The following SNX13 variants were observed in gnomAD, a reference collection of about 807,000 sequenced individuals.
SNX13 encodes sorting nexin 13.
SNX13 carries 45 observed loss-of-function variants against 133.6 expected under a neutral mutation model. That is an observed-to-expected ratio of 0.34 (90% CI 0.27 to 0.43). SNX13 has a LOEUF of 0.43. Among genes scored for constraint, SNX13 ranks in the 20% least tolerant of loss-of-function variants. SNX13 has a pLI of 1.00. For missense variants in SNX13, 1,032 were observed against 1,145.1 expected, an observed-to-expected ratio of 0.90 and a Z score of 1.43; for synonymous variants, 414 against 373.9, an observed-to-expected ratio of 1.11 and a Z score of -1.24.
At chr7:17,885,798 A>G (rs1795925017) in intron 5 of SNX13, among the ~76,000 whole-genome samples, 1 of 152,230 alleles carries the variant, frequency 6.6e-6, no homozygotes, top group Non-Finnish European at 1.5e-5. Flanking sequence ...ACTGCACTCC[A>G]GCCTAGGTGA....
rs180997607 is a variant in SNX13, at chr7:17,854,990, A to T, written c.838-4026T>A. On this transcript the variant is annotated intron_variant, in intron 9 of 25. Transcript: ENST00000428135. ...TATCCAATATGAGAATGCAAAAAAT[A>T]AAAAAAAAGGTTCTTCAGGGAAATT... is the stretch of plus-strand genomic sequence containing the variant. 2.1e-3 allele frequency among the ~76,000 whole-genome samples: 315 copies of T among 151,692 alleles called. 5 individuals are homozygous for T. The highest frequency in any genetic ancestry group is 8.4e-4 in the Non-Finnish European group (57 of 67,826).
chr7:17,832,142 G>C, intron 15 of SNX13: 6 of 984,096 alleles, frequency 6.1e-6, no homozygotes, highest in Non-Finnish European at 7.2e-6. Flanking sequence ...ATATATAAGA[G>C]AAGCATATTT....
At chr7:17,867,380 G>A (rs1793518357) in intron 9 of SNX13, among the ~76,000 whole-genome samples, 1 of 152,156 alleles carries the variant, frequency 6.6e-6, no homozygotes, top group Admixed American at 6.5e-5. Context: ...GCTGAGGCAG[G>A]CAGATCGCTT....
intron 11 of SNX13, among the ~76,000 whole-genome samples, chr7:17,849,944 C>A (rs964193779): frequency 1.3e-5 from 2 of 152,108 alleles, no homozygotes; most frequent in Non-Finnish European, 2.9e-5. Context: ...TGATATTACG[C>A]GTCAATTTGC....
At position 17,839,982 on chromosome 7, in the gene SNX13, C is replaced by T. The variant is rs1292684911; in HGVS notation, c.1184G>A (p.Gly395Glu). The stretch of plus-strand genomic sequence containing the variant: ...CCAAAAGAATAGATGTGCTTGACCT[C>T]CAGTTTGCTGCATGTAATCTAGCAA... ...QFFMDYMQQT[G>E]GQAHLFFWMT... is the part of the protein sequence containing the mutation. The change falls in exon 13 of 26, where the codon GGA (glycine) becomes GAA (glutamate). Residue 395 changes from glycine (G) to glutamate (E), a missense_variant. Physicochemically the swap from Gly to Glu is moderately conservative, Grantham distance 98. Coordinates refer to ENST00000428135, the MANE Select transcript of SNX13 (RefSeq NM_015132.5). 1 of 1,609,110 alleles carries T rather than the reference C, an allele frequency of 6.2e-7. No homozygotes were observed. The highest frequency in any genetic ancestry group is 8.5e-7 in the Non-Finnish European group (1 of 1,177,306).
chr7:17,888,739 A>G (rs577972441), intron 5 of SNX13: 125 of 470,886 alleles, frequency 2.7e-4, no homozygotes, highest in Middle Eastern at 1.3e-3. Context: ...GGTACAAAGT[A>G]TGCCCAAAAT....
chr7:17,926,349 G>C (rs899515421), intron 1 of SNX13, among the ~76,000 whole-genome samples: 2 of 151,910 alleles, frequency 1.3e-5, no homozygotes, highest in South Asian at 4.1e-4. Flanking sequence ...GTAGAAAACT[G>C]CTTGGAAATT....
At chr7:17,904,873 T>C (rs552472701) in intron 1 of SNX13, among the ~76,000 whole-genome samples, 12 of 152,340 alleles carry the variant, frequency 7.9e-5, no homozygotes, top group Admixed American at 5.2e-4. Flanking sequence ...CAATAAAATG[T>C]GCTCCTGATG....
intron 9 of SNX13, 93 bp downstream of exon 9, chr7:17,868,314 T>C (rs1793650738): frequency 2.4e-6 from 2 of 846,000 alleles, no homozygotes; most frequent in Admixed American, 3.0e-5. Context: ...ATTTCTTTAA[T>C]AAATTACTGC....
intron 9 of SNX13, among the ~76,000 whole-genome samples, chr7:17,851,299 G>A (rs1791180097): frequency 6.6e-6 from 1 of 152,260 alleles, no homozygotes; most frequent in South Asian, 2.1e-4. Flanking sequence ...TTCTGTTATA[G>A]TACAAAGGTT....
At chr7:17,880,958 T>G (rs1795266572) in intron 5 of SNX13, 1 of 152,106 alleles carries the variant, frequency 6.6e-6, no homozygotes. Context: ...GGTCATCTTG[T>G]AGACTTGCCT....
chr7:17,872,016 G>T (rs1794178158), intron 8 of SNX13, among the ~76,000 whole-genome samples: 1 of 152,142 alleles, frequency 6.6e-6, no homozygotes, highest in African/African-American at 2.4e-5. Flanking sequence ...TTCCACTTTG[G>T]ACATTTCAGT....
intron 9 of SNX13, among the ~76,000 whole-genome samples, chr7:17,866,562 T>C (rs1432602548): frequency 2.0e-5 from 3 of 151,978 alleles, no homozygotes; most frequent in African/African-American, 4.8e-5. Flanking sequence ...TATTCAGCCA[T>C]TAAAAAAAGA....
chr7:17,814,814 G>T lies in SNX13; in HGVS notation c.2064+20C>A. ...AAACAGACCTAGAAAGAAACCCAGT[G>T]CAGTGGTCTGCTTACTTACCTTGCG... On this transcript the variant is annotated intron_variant, in intron 20 of 25. Coordinates refer to ENST00000428135, the MANE Select transcript of SNX13 (RefSeq NM_015132.5). 1 of 1,479,480 alleles carries T rather than the reference G, an allele frequency of 6.8e-7. No homozygotes were observed. The highest frequency in any genetic ancestry group is 9.0e-7 in the Non-Finnish European group (1 of 1,113,082). The allele number at this position is 1,479,480 out of a possible 1,614,324, so 91.6% of individuals were successfully genotyped here.
At chr7:17,812,841 T>A (rs1786206250) in intron 20 of SNX13, among the ~76,000 whole-genome samples, 1 of 152,266 alleles carries the variant, frequency 6.6e-6, no homozygotes, top group African/African-American at 2.4e-5. Context: ...TCATGTCCTT[T>A]ACAGGGACAT....
At chr7:17,884,518 G>T (rs1478612888) in intron 5 of SNX13, among the ~76,000 whole-genome samples, 3 of 152,024 alleles carry the variant, frequency 2.0e-5, no homozygotes, top group African/African-American at 7.3e-5. Context: ...CCACTATCTG[G>T]AAACAAATTC....
In SNX13 at chr7:17,794,336, C is replaced by T. The variant is rs766482179; in HGVS notation, c.2627-44G>A. 62 of 1,576,234 alleles carry T rather than the reference C, an allele frequency of 3.9e-5. No homozygotes were observed. In the East Asian group the frequency reaches 1.4e-3, roughly 35 times the overall value. ...AACACACATAATTATTCAAAGGAAACACAAGGCCTAAACTCTTAAATGTTC... is the reference window on the plus strand; with the variant it reads ...AACACACATAATTATTCAAAGGAAATACAAGGCCTAAACTCTTAAATGTTC... On this transcript the variant is annotated intron_variant, in intron 25 of 25. Coordinates refer to ENST00000428135, the MANE Select transcript of SNX13 (RefSeq NM_015132.5).
intron 18 of SNX13, among the ~76,000 whole-genome samples, chr7:17,818,244 G>T (rs1206367695): frequency 6.6e-6 from 1 of 152,100 alleles, no homozygotes; most frequent in Non-Finnish European, 1.5e-5. Context: ...CCGGTTGGTG[G>T]CATTTTATTA....
chr7:17,813,023 G>A (rs1285256341), intron 20 of SNX13, among the ~76,000 whole-genome samples: 2 of 152,104 alleles, frequency 1.3e-5, no homozygotes, highest in Non-Finnish European at 2.9e-5. Flanking sequence ...GTAGATCACA[G>A]GTTAATGGGT....
Sources: allele counts gnomAD v4.1 joint callset (sites outside exome capture counted in the v4.1 genomes callset), GRCh38; gene constraint gnomAD v4.1.1; transcripts MANE v1.5; gene names NCBI Gene and HGNC (gene_info 2026-07-23, HGNC 2026-07-21).